Variants in C6 observed in about 807,000 individuals in gnomAD.
C6 encodes the protein complement component C6.
A neutral mutation model predicts 112.9 loss-of-function variants in C6; 101 were observed. The ratio of observed to expected loss-of-function variants is 0.89; its 90% CI spans 0.76 to 1.06. C6 has a LOEUF of 1.06. Ranked by LOEUF, C6 falls within the 50% of genes least tolerant of loss-of-function variation. The pLI is 0.00. For missense variants in C6, 1,202 were observed against 1,104.6 expected (o/e 1.09, Z -1.25); for synonymous variants, 431 against 384.1 (o/e 1.12, Z -1.43).
intron 1 of C6, among the ~76,000 whole-genome samples, chr5:41,204,891 G>A (rs541213644): frequency 7.2e-5 from 11 of 152,002 alleles, no homozygotes; most frequent in Admixed American, 1.3e-4. Context: ...GGGTGGTCTC[G>A]ATCTCCTGAC....
upstream of C6, among the ~76,000 whole-genome samples, chr5:41,214,273 T>C (rs1190316453): frequency 3.3e-5 from 5 of 152,202 alleles, no homozygotes; most frequent in Admixed American, 1.3e-4. Context: ...CAAGTGTTTT[T>C]CAAACTTTTT....
At chr5:41,183,459 G>T (rs1222756160) in intron 6 of C6, among the ~76,000 whole-genome samples, 1 of 152,110 alleles carries the variant, frequency 6.6e-6, no homozygotes, top group African/African-American at 2.4e-5. Context: ...AGGATGACTA[G>T]TATTAAAAAG....
chr5:41,165,321 T>C (rs959581684), intron 9 of C6, among the ~76,000 whole-genome samples: 2 of 152,208 alleles, frequency 1.3e-5, no homozygotes, highest in Non-Finnish European at 2.9e-5. Context: ...TAAATATGTG[T>C]GCGTGCATTT....
intron 1 of C6, among the ~76,000 whole-genome samples, chr5:41,256,223 A>G (rs1161248274): frequency 6.6e-6 from 1 of 151,768 alleles, no homozygotes; most frequent in Non-Finnish European, 1.5e-5. Flanking sequence ...AGTCTTTGCT[A>G]TTGTGAATAA....
At chr5:41,161,545 T>C in intron 10 of C6, 148 bp downstream of exon 10, 1 of 711,640 alleles carries the variant, frequency 1.4e-6, no homozygotes, top group Non-Finnish European at 2.5e-6. Flanking sequence ...ATTTAACATT[T>C]AAAAAAAGGT....
At chr5:41,198,519 A>G (rs546241551) in intron 4 of C6, among the ~76,000 whole-genome samples, 1 of 152,288 alleles carries the variant, frequency 6.6e-6, no homozygotes, top group South Asian at 2.1e-4. Flanking sequence ...TTACTCAGGG[A>G]GTACGGAGTA....
chr5:41,230,773 A>C (rs1739849454), intron 1 of C6, among the ~76,000 whole-genome samples: 1 of 152,136 alleles, frequency 6.6e-6, no homozygotes, highest in African/African-American at 2.4e-5. Flanking sequence ...CAGTCCTACC[A>C]ATATGTGATG....
chr5:41,214,359 A>G (rs1286711666), upstream of C6, among the ~76,000 whole-genome samples: 1 of 152,164 alleles, frequency 6.6e-6, no homozygotes, highest in Non-Finnish European at 1.5e-5. Flanking sequence ...GGAAATGATG[A>G]TCTCAGCAAG....
At chr5:41,213,334 T>C (rs1270212252) in intron 1 of C6, 42 bp downstream of exon 1, 26 of 868,248 alleles carry the variant, frequency 3.0e-5, no homozygotes, top group Non-Finnish European at 3.6e-5. Flanking sequence ...ATTAACAATT[T>C]TGAAATATTA....
At position 41,160,985 on chromosome 5, in the gene C6, C is replaced by G. The variant is rs887512303; in HGVS notation, c.1459-618G>C. 6.6e-5 allele frequency among the ~76,000 whole-genome samples: 10 copies of G among 152,056 alleles called. 1 individual carries two copies. The highest frequency in any genetic ancestry group is 4.6e-4 in the Admixed American group (7 of 15,234). ...CTAGTGCAATATGACTTGCAAGTAC[C>G]CGGAGGGGCAGCTGGGTCTCATTTT... On this transcript the variant is annotated intron_variant, in intron 10 of 17. Coordinates refer to ENST00000337836, the MANE Select transcript of C6 (RefSeq NM_000065.5).
intron 1 of C6, among the ~76,000 whole-genome samples, chr5:41,228,338 A>G (rs2150410722): frequency 6.6e-6 from 1 of 152,064 alleles, no homozygotes; most frequent in African/African-American, 2.4e-5. Flanking sequence ...AAATTTGTTT[A>G]TTGGTTCTAA....
chr5:41,255,618 C>T (rs945711522), intron 1 of C6, among the ~76,000 whole-genome samples: 3 of 152,144 alleles, frequency 2.0e-5, no homozygotes, highest in Non-Finnish European at 4.4e-5. Flanking sequence ...TCTCTGCCTA[C>T]AATATGCATT....
At chr5:41,151,567 G>C (rs1746395803) in intron 15 of C6, among the ~76,000 whole-genome samples, 1 of 152,194 alleles carries the variant, frequency 6.6e-6, no homozygotes, top group Non-Finnish European at 1.5e-5. Flanking sequence ...CTAAATCTCA[G>C]TGGCGAAGTC....
exon 1 of C6, chr5:41,261,282 T>C (rs958059213): frequency 3.8e-6 from 3 of 790,276 alleles, no homozygotes; most frequent in East Asian, 2.5e-4. Flanking sequence ...TTTCTTATTA[T>C]GAGCTCTCAG....
intron 1 of C6, among the ~76,000 whole-genome samples, chr5:41,228,830 T>G (rs1403106145): frequency 6.6e-6 from 1 of 152,204 alleles, no homozygotes; most frequent in East Asian, 1.9e-4. Context: ...GGTGAATGAT[T>G]GTTTAAACAT....
At chr5:41,155,201 A>G in intron 13 of C6, 97 bp from the exon 14 acceptor site, 1 of 1,164,378 alleles carries the variant, frequency 8.6e-7, no homozygotes. Flanking sequence ...TCACTTCTGG[A>G]TCTACTCAGT....
intron 1 of C6, among the ~76,000 whole-genome samples, chr5:41,210,886 G>A: frequency 6.6e-6 from 1 of 152,050 alleles, no homozygotes; most frequent in East Asian, 1.9e-4. Context: ...CCTGTTACTG[G>A]GTATCTACCC....
At chr5:41,143,780 G>A (rs1032630558) in intron 17 of C6, among the ~76,000 whole-genome samples, 2 of 152,088 alleles carry the variant, frequency 1.3e-5, no homozygotes, top group Non-Finnish European at 1.5e-5. Context: ...ATTGGGTTAT[G>A]CCTGGGGATC....
intron 17 of C6, among the ~76,000 whole-genome samples, 179 bp from the exon 18 acceptor site, chr5:41,143,185 C>G (rs1745510650): frequency 6.6e-6 from 1 of 152,034 alleles, no homozygotes; most frequent in African/African-American, 2.4e-5. Flanking sequence ...AAAACAAAAA[C>G]AACAAAACAA....
Sources: allele counts gnomAD v4.1 joint callset (sites outside exome capture counted in the v4.1 genomes callset), GRCh38; gene constraint gnomAD v4.1.1; transcripts MANE v1.5; gene names NCBI Gene and HGNC (gene_info 2026-07-23, HGNC 2026-07-21).